Variants in CWC27 observed in about 807,000 individuals in gnomAD.
CWC27 encodes the protein CWC27 spliceosome associated cyclophilin.
CWC27 carries 47 observed loss-of-function variants against 63.6 expected under a neutral mutation model. The ratio of observed to expected loss-of-function variants is 0.74; its 90% confidence interval spans 0.58 to 0.94. The LOEUF (loss-of-function observed/expected upper bound fraction) is 0.94. CWC27 is among the 40% of genes least tolerant of loss of function. CWC27 has a pLI of 0.00. For synonymous variants in CWC27, 175 were observed against 179.8 expected (o/e 0.97, Z 0.22); for missense variants, 495 against 554.3 (o/e 0.89, Z 1.07).
intron 1 of CWC27, among the ~76,000 whole-genome samples, chr5:64,771,951 T>C (rs1743272711): frequency 6.6e-6 from 1 of 152,222 alleles, no homozygotes; most frequent in African/African-American, 2.4e-5. Flanking sequence ...TAATAATGAC[T>C]ATCATTTTTT....
intron 10 of CWC27, among the ~76,000 whole-genome samples, chr5:64,809,284 T>C (rs1309117865): frequency 6.6e-6 from 1 of 152,258 alleles, no homozygotes; most frequent in Non-Finnish European, 1.5e-5. Flanking sequence ...TTACCTTTTT[T>C]GTGTGTGGTG....
chr5:64,968,563 T>C (rs943968119), intron 11 of CWC27, among the ~76,000 whole-genome samples: 12 of 152,160 alleles, frequency 7.9e-5, no homozygotes, highest in African/African-American at 2.7e-4. Flanking sequence ...ATCTCAACAA[T>C]AGTTGCTCAC....
chr5:64,799,455 G>A (rs968382303), intron 7 of CWC27, among the ~76,000 whole-genome samples: 91 of 146,626 alleles, frequency 6.2e-4, no homozygotes, highest in African/African-American at 2.2e-3. Flanking sequence ...GCGTGGTGGC[G>A]CATACCTGTA....
At chr5:64,924,178 G>A (rs531717178) in intron 11 of CWC27, among the ~76,000 whole-genome samples, 50 of 152,188 alleles carry the variant, frequency 3.3e-4, no homozygotes, top group African/African-American at 1.2e-3. Flanking sequence ...TTTACTCCCA[G>A]CTTCATCTCA....
chr5:64,876,656 T>C (rs935626127), intron 10 of CWC27, among the ~76,000 whole-genome samples: 1 of 152,106 alleles, frequency 6.6e-6, no homozygotes, highest in Non-Finnish European at 1.5e-5. Flanking sequence ...ATTTTTTAAA[T>C]GTGAATATTA....
Position 64,959,287 on chromosome 5 carries a change from A to T in CWC27, c.1043-12416A>T, listed in dbSNP as rs148243756. Among the ~76,000 whole-genome samples, 197 of 152,278 alleles carry T rather than the reference A, an allele frequency of 1.3e-3. 3 individuals carry two copies. The East Asian group carries it at 0.015, about 11-fold the overall frequency. On this transcript the variant is annotated intron_variant, in intron 11 of 13. Transcript: ENST00000381070. ...AAGTATCTTTAAAACAAAGTTAGTA[A>T]GGCTTTAGTCTCTGGTCACTAAATA...
chr5:65,012,090 G>A (rs1446809689), intron 13 of CWC27, among the ~76,000 whole-genome samples: 1 of 152,130 alleles, frequency 6.6e-6, no homozygotes, highest in Non-Finnish European at 1.5e-5. Context: ...CTGGATTCAT[G>A]TCTTTTTATG....
At chr5:65,011,481 G>A (rs1436726270) in intron 13 of CWC27, among the ~76,000 whole-genome samples, 1 of 152,200 alleles carries the variant, frequency 6.6e-6, no homozygotes, top group East Asian at 1.9e-4. Context: ...GAGGCAGCGA[G>A]GAAGAAGGAG....
Position 64,789,025 on chromosome 5 carries a change from T to C in CWC27, c.669+5T>C. ...GAAGTAAATCGAGTTAGTCAGGTAATCTCTAATTTGCCCTTTGTTCTAACT... is the reference window on the plus strand; with the variant it reads ...GAAGTAAATCGAGTTAGTCAGGTAACCTCTAATTTGCCCTTTGTTCTAACT... On this transcript the variant is annotated splice_donor_5th_base_variant and intron_variant, in intron 7 of 13. Transcript: ENST00000381070. 6.3e-7 allele frequency: 1 copy of C among 1,597,990 alleles called. No homozygotes were observed.
At chr5:64,893,307 T>C (rs951031172) in intron 11 of CWC27, among the ~76,000 whole-genome samples, 1 of 152,238 alleles carries the variant, frequency 6.6e-6, no homozygotes, top group Non-Finnish European at 1.5e-5. Flanking sequence ...AAACATATAA[T>C]TCATTCGAGT....
At chr5:64,790,677 A>G (rs1053394150) in intron 7 of CWC27, among the ~76,000 whole-genome samples, 1 of 151,964 alleles carries the variant, frequency 6.6e-6, no homozygotes, top group Non-Finnish European at 1.5e-5. Flanking sequence ...TCCCCCTGCC[A>G]CTGAACTCCC....
At chr5:64,890,423 A>G (rs1267548809) in intron 11 of CWC27, among the ~76,000 whole-genome samples, 2 of 152,184 alleles carry the variant, frequency 1.3e-5, no homozygotes, top group African/African-American at 2.4e-5. Context: ...CTTAGTTGGT[A>G]TAAGAAACAA....
intron 10 of CWC27, among the ~76,000 whole-genome samples, chr5:64,831,297 G>A (rs1745508714): frequency 6.6e-6 from 1 of 151,714 alleles, no homozygotes; most frequent in Non-Finnish European, 1.5e-5. Flanking sequence ...CTTCCCCTTA[G>A]GGAAGTTGAA....
At chr5:64,890,559 T>C (rs759182352) in intron 11 of CWC27, among the ~76,000 whole-genome samples, 1 of 152,160 alleles carries the variant, frequency 6.6e-6, no homozygotes, top group Non-Finnish European at 1.5e-5. Context: ...ATTTTTTTTT[T>C]CTTGGAACCC....
intron 10 of CWC27, among the ~76,000 whole-genome samples, chr5:64,833,441 T>C (rs1745580878): frequency 6.6e-6 from 1 of 151,788 alleles, no homozygotes; most frequent in Non-Finnish European, 1.5e-5. Flanking sequence ...TATTGACCAA[T>C]GCATGCTTTT....
intron 3 of CWC27, among the ~76,000 whole-genome samples, chr5:64,782,494 A>C (rs115748813): frequency 0.016 from 2,278 of 146,808 alleles, 65 homozygotes; most frequent in African/African-American, 0.053. Flanking sequence ...TGTCTGTAAA[A>C]GATGCATTAA....
At chr5:64,850,373 C>T (rs1746106287) in intron 10 of CWC27, among the ~76,000 whole-genome samples, 1 of 152,070 alleles carries the variant, frequency 6.6e-6, no homozygotes, top group South Asian at 2.1e-4. Context: ...TTTGGGAAAA[C>T]TGGATATCCA....
At chr5:64,923,389 C>A (rs560607336) in intron 11 of CWC27, among the ~76,000 whole-genome samples, 2 of 151,916 alleles carry the variant, frequency 1.3e-5, no homozygotes, top group East Asian at 3.9e-4. Flanking sequence ...ACAGCTTACA[C>A]AGATCACAGC....
At chr5:64,879,731 T>A (rs1165224813) in intron 10 of CWC27, among the ~76,000 whole-genome samples, 3 of 151,464 alleles carry the variant, frequency 2.0e-5, no homozygotes, top group Non-Finnish European at 4.4e-5. Flanking sequence ...AAGTCAGGTA[T>A]TAAAATGGGT....
Sources: gnomAD v4.1 joint callset for allele counts (sites outside exome capture counted in the v4.1 genomes callset) on GRCh38, gnomAD v4.1.1 for gene constraint, MANE v1.5 for transcripts, NCBI Gene and HGNC (gene_info 2026-07-23, HGNC 2026-07-21) for gene names.